The following SLC8A1 variants were observed in gnomAD, a reference collection of about 807,000 sequenced individuals.
SLC8A1 encodes solute carrier family 8 member A1.
Under a neutral mutation model 68.3 loss-of-function variants are expected in SLC8A1, and 18 were observed. The ratio of observed to expected loss-of-function variants is 0.26; its 90% CI spans 0.18 to 0.39. The LOEUF is 0.39. Among genes scored for constraint, SLC8A1 ranks in the 10% least tolerant of loss-of-function variants. The pLI is 1.00. For missense variants in SLC8A1, 985 were observed against 1,156.7 expected, an observed-to-expected ratio of 0.85 and a Z score of 2.15; for synonymous variants, 475 against 415.5, an observed-to-expected ratio of 1.14 and a Z score of -1.74.
intron 2 of SLC8A1, among the ~76,000 whole-genome samples, chr2:40,242,085 T>A (rs2061298038): frequency 2.0e-5 from 3 of 152,110 alleles, no homozygotes; most frequent in Admixed American, 1.3e-4. Context: ...TGACTAAATA[T>A]ATTGTTATAT....
intron 2 of SLC8A1, among the ~76,000 whole-genome samples, chr2:40,426,022 G>C (rs1008047756): frequency 1.3e-5 from 2 of 151,846 alleles, no homozygotes; most frequent in East Asian, 1.9e-4. Flanking sequence ...TTGAATCTTG[G>C]TGCTTAATTT....
chr2:40,370,073 G>C (rs1352019651), intron 2 of SLC8A1, among the ~76,000 whole-genome samples: 1 of 152,068 alleles, frequency 6.6e-6, no homozygotes, highest in Non-Finnish European at 1.5e-5. Context: ...AGGGAGACAT[G>C]GCATTTTAAT....
chr2:40,143,877 A>C (rs975845524), intron 6 of SLC8A1, among the ~76,000 whole-genome samples: 1 of 152,174 alleles, frequency 6.6e-6, no homozygotes, highest in Non-Finnish European at 1.5e-5. Context: ...CTGGAAGGTA[A>C]TGGACACGTG....
intron 2 of SLC8A1, among the ~76,000 whole-genome samples, chr2:40,179,105 G>T (rs1158927268): frequency 1.3e-5 from 2 of 152,198 alleles, no homozygotes; most frequent in African/African-American, 4.8e-5. Flanking sequence ...ATTCAGGTTA[G>T]TCAGATTCTC....
intron 2 of SLC8A1, among the ~76,000 whole-genome samples, chr2:40,403,099 C>A (rs1189570226): frequency 6.6e-6 from 1 of 152,068 alleles, no homozygotes; most frequent in Non-Finnish European, 1.5e-5. Flanking sequence ...CCACATGAAA[C>A]AATTTTGGAA....
At chr2:40,466,428 A>G (rs1232289260) in intron 1 of SLC8A1, among the ~76,000 whole-genome samples, 12 of 152,298 alleles carry the variant, frequency 7.9e-5, no homozygotes, top group Non-Finnish European at 1.5e-4. Flanking sequence ...CATGTCTTAA[A>G]GGTCCTCTAC....
chr2:40,246,946 A>T (rs75508532), intron 2 of SLC8A1, among the ~76,000 whole-genome samples: 17 of 12,330 alleles, frequency 1.4e-3, no homozygotes, highest in Non-Finnish European at 5.9e-4. Context: ...TGCTAAAAAA[A>T]AAAAGAATAT....
Position 40,497,668 on chromosome 2 carries a change from A to G in SLC8A1, c.-25+14681T>C, listed in dbSNP as rs558366830. Among the ~76,000 whole-genome samples, 25 of 152,162 alleles carry G rather than the reference A, an allele frequency of 1.6e-4. No individual in the cohort carries two copies. The South Asian group carries it at 5.0e-3, about 30-fold the overall frequency. Reference sequence around the variant, plus strand: ...CTGACTAGTTCAGTGAATCATAAGTAGTTTGGAATAACTGGGACAAAGGGT... The same window carrying G: ...CTGACTAGTTCAGTGAATCATAAGTGGTTTGGAATAACTGGGACAAAGGGT... On this transcript the variant is annotated intron_variant, in intron 1 of 7. Coordinates refer to the SLC8A1 transcript ENST00000402441.
chr2:40,392,777 A>G (rs182949344), intron 2 of SLC8A1, among the ~76,000 whole-genome samples: 11 of 152,242 alleles, frequency 7.2e-5, no homozygotes, highest in Admixed American at 5.9e-4. Context: ...ATAAAAAATC[A>G]TGGTTATGAT....
intron 2 of SLC8A1, among the ~76,000 whole-genome samples, chr2:40,310,487 G>A (rs1339574163): frequency 3.9e-5 from 6 of 152,182 alleles, no homozygotes; most frequent in Non-Finnish European, 5.9e-5. Context: ...GTGAGAAGAG[G>A]TCAGTGGCCA....
chr2:40,346,445 G>C (rs554964063), intron 2 of SLC8A1, among the ~76,000 whole-genome samples: 30 of 152,282 alleles, frequency 2.0e-4, no homozygotes, highest in African/African-American at 6.7e-4. Context: ...TCTCTGGGCA[G>C]AGGACTCAAC....
At chr2:40,456,330 A>T (rs2373862), upstream of SLC8A1, among the ~76,000 whole-genome samples, 54,279 of 150,404 alleles carry the variant, frequency 0.36, 10,378 homozygotes, top group Middle Eastern at 0.44. Flanking sequence ...AAAAAAAAAA[A>T]AAAAAAAAAA....
At chr2:40,235,683 G>T (rs1260387751) in intron 2 of SLC8A1, among the ~76,000 whole-genome samples, 10 of 151,426 alleles carry the variant, frequency 6.6e-5, no homozygotes, top group Admixed American at 5.3e-4. Flanking sequence ...TTCTTTTAAT[G>T]GTGATGTTAG....
chr2:40,485,423 T>C (rs1296466081), intron 1 of SLC8A1, among the ~76,000 whole-genome samples: 1 of 152,186 alleles, frequency 6.6e-6, no homozygotes, highest in Non-Finnish European at 1.5e-5. Flanking sequence ...GAAATAATCA[T>C]AAAAGCAACA....
intron 1 of SLC8A1, among the ~76,000 whole-genome samples, chr2:40,450,945 A>C (rs1411515503): frequency 6.7e-6 from 1 of 150,116 alleles, no homozygotes; most frequent in Admixed American, 6.6e-5. Flanking sequence ...CATTCATCAA[A>C]CAGCAACAGA....
chr2:40,316,059 C>T (rs2074405787), intron 2 of SLC8A1, among the ~76,000 whole-genome samples: 1 of 152,038 alleles, frequency 6.6e-6, no homozygotes, highest in Non-Finnish European at 1.5e-5. Flanking sequence ...GTCTTTTGTT[C>T]CCCAAGAAGG....
rs530956271 is a variant in SLC8A1, at chr2:40,302,536, A to C, written c.1809-124681T>G. Among the ~76,000 whole-genome samples the C allele has an allele frequency of 6.5e-4, 97 of 149,084 alleles. 1 individual carries two copies. The highest frequency in any genetic ancestry group is 2.8e-3 in the Admixed American group (41 of 14,828). On this transcript the variant is annotated intron_variant, in intron 2 of 7. Transcript: ENST00000406785. ...ATACATATATAACATATATATTTAC[A>C]CACATATCATATATATGTATATATA...
intron 2 of SLC8A1, among the ~76,000 whole-genome samples, chr2:40,206,970 T>C (rs2055574630): frequency 6.6e-6 from 1 of 152,074 alleles, no homozygotes; most frequent in African/African-American, 2.4e-5. Context: ...AGCTGGATTC[T>C]GAAGGGAAGA....
intron 2 of SLC8A1, among the ~76,000 whole-genome samples, chr2:40,317,371 T>G (rs550542318): frequency 6.6e-6 from 1 of 152,072 alleles, no homozygotes; most frequent in Admixed American, 6.6e-5. Flanking sequence ...GGGAAAATAG[T>G]TGTTTTGGTT....
Sources: gnomAD v4.1 joint callset for allele counts (sites outside exome capture counted in the v4.1 genomes callset) on GRCh38, gnomAD v4.1.1 for gene constraint, MANE v1.5 for transcripts, NCBI Gene and HGNC (gene_info 2026-07-23, HGNC 2026-07-21) for gene names.